CELF2: variants seen among roughly 807,000 people sequenced by gnomAD.
The protein encoded by CELF2 is CUG triplet repeat RNA-binding protein 2.
CELF2 carries 8 observed loss-of-function variants against 62.6 expected under a neutral mutation model. That is an observed-to-expected ratio of 0.13 (90% CI 0.07 to 0.23). The LOEUF (loss-of-function observed/expected upper bound fraction) is 0.23. CELF2 is among the 10% of genes least tolerant of loss of function. The pLI, the probability that CELF2 is intolerant of heterozygous loss-of-function variation, is 1.00. For missense variants in CELF2, 333 were observed against 671.0 expected (o/e 0.50, Z 5.56); for synonymous variants, 258 against 250.0 (o/e 1.03, Z -0.30).
the CELF2 span, among the ~76,000 whole-genome samples, chr10:10,725,544 G>A: frequency 6.6e-6 from 1 of 152,170 alleles, no homozygotes; most frequent in African/African-American, 2.4e-5. Context: ...CTAGTAACTT[G>A]AGTTTCTACC....
chr10:10,791,485 A>AATAAATT, the CELF2 span, among the ~76,000 whole-genome samples: 380 of 152,338 alleles, frequency 2.5e-3, 2 homozygotes, highest in African/African-American at 8.9e-3. Flanking sequence ...TTAAATTATG[A>AATAAATT]CTTTAGAAAT....
chr10:11,118,902 C>T (rs528913888), intron 1 of CELF2, among the ~76,000 whole-genome samples: 1 of 152,318 alleles, frequency 6.6e-6, no homozygotes, highest in East Asian at 1.9e-4. Flanking sequence ...TCGCAAGTCA[C>T]TTAACTCCTG....
At chr10:11,027,813 CA>C (rs1335842344) in intron 1 of CELF2, among the ~76,000 whole-genome samples, 1 of 152,168 alleles carries the variant, frequency 6.6e-6, no homozygotes, top group Non-Finnish European at 1.5e-5. Context: ...GTTGACTTGT[CA>C]AGATTCCTCG....
At chr10:10,689,590 C>T in the CELF2 span, among the ~76,000 whole-genome samples, 2 of 152,122 alleles carry the variant, frequency 1.3e-5, no homozygotes, top group Non-Finnish European at 2.9e-5. Context: ...AGGCTAAAGA[C>T]ATGAACAAGA....
At chr10:10,700,233 G>A in the CELF2 span, among the ~76,000 whole-genome samples, 1,352 of 152,288 alleles carry the variant, frequency 8.9e-3, 23 homozygotes, top group African/African-American at 0.031. Flanking sequence ...CCCAATACAG[G>A]AAGGCTGATC....
At position 11,280,475 on chromosome 10, in the gene CELF2, G is replaced by A. The variant is rs1014439521; in HGVS notation, c.841+5355G>A. Among the ~76,000 whole-genome samples, 2 of 152,210 alleles carry A rather than the reference G, an allele frequency of 1.3e-5. No homozygotes were observed. The highest frequency in any genetic ancestry group is 2.1e-4 in the South Asian group (1 of 4,834). ...CAGGCAGGTGCGATGTCCACGTTCC[G>A]GGTGATGGCGCTGTGGCTGTGGATC... On this transcript the variant is annotated intron_variant, in intron 8 of 12. Coordinates refer to ENST00000633077, the MANE Select transcript of CELF2 (RefSeq NM_001326342.2). This position sits in a 1 kb window ranked among gnomAD's most constrained non-coding sequence, Gnocchi z 7.6.
chr10:10,650,747 A>T, the CELF2 span, among the ~76,000 whole-genome samples: 2 of 152,248 alleles, frequency 1.3e-5, no homozygotes, highest in African/African-American at 4.8e-5. Context: ...AAAATGATGC[A>T]ACCACTTTGG....
the CELF2 span, among the ~76,000 whole-genome samples, chr10:10,626,027 A>G: frequency 5.3e-5 from 8 of 152,074 alleles, no homozygotes; most frequent in Non-Finnish European, 8.8e-5. Flanking sequence ...GCGGACTTGC[A>G]ATGTGAAGAA....
chr10:10,744,165 T>G, the CELF2 span, among the ~76,000 whole-genome samples: 3 of 152,204 alleles, frequency 2.0e-5, no homozygotes, highest in East Asian at 5.8e-4. Flanking sequence ...GTGCCAGTAT[T>G]GCCAGCCCAC....
chr10:11,118,175 A>G (rs149628771), intron 1 of CELF2, among the ~76,000 whole-genome samples: 3 of 152,238 alleles, frequency 2.0e-5, no homozygotes, highest in Non-Finnish European at 2.9e-5. Context: ...TAGTAGCGCC[A>G]ACTGAGGGCT....
chr10:10,651,998 T>C, the CELF2 span, among the ~76,000 whole-genome samples: 1 of 150,902 alleles, frequency 6.6e-6, no homozygotes, highest in Non-Finnish European at 1.5e-5. Flanking sequence ...AATGTATAAC[T>C]AGAATAACCA....
intron 3 of CELF2, among the ~76,000 whole-genome samples, chr10:11,232,019 T>G (rs543146955): frequency 6.6e-6 from 1 of 152,302 alleles, no homozygotes; most frequent in East Asian, 1.9e-4. Flanking sequence ...TACTTTAAGT[T>G]TTAGGGTACA....
At chr10:10,669,896 T>C in the CELF2 span, among the ~76,000 whole-genome samples, 1 of 130,564 alleles carries the variant, frequency 7.7e-6, no homozygotes, top group East Asian at 2.4e-4. Flanking sequence ...GTCTCTTATA[T>C]GCCTTTTTTT....
At position 11,318,951 on chromosome 10, in the gene CELF2, T is replaced by A. The variant is rs1377794999; in HGVS notation, c.1097-2238T>A. 1 of 471,170 alleles carries A rather than the reference T, an allele frequency of 2.1e-6. No homozygotes were observed. 29.2% of individuals were successfully genotyped at this position (471,170 alleles called of 1,614,324 possible). On this transcript the variant is annotated intron_variant, in intron 10 of 12. Coordinates refer to ENST00000633077, the MANE Select transcript of CELF2 (RefSeq NM_001326342.2). The surrounding 1 kb of genome is among the most constrained non-coding windows in gnomAD (Gnocchi z 5.4). ...CAGACAAGGCATCATGGTGGTGCGA[T>A]GCTGCCCACCCCTCCATGGGAACTT...
In CELF2 at chr10:11,316,506, T is replaced by G. The variant is rs570270375; in HGVS notation, c.1096+2248T>G. On this transcript the variant is annotated intron_variant, in intron 10 of 12. Transcript: ENST00000633077. The surrounding 1 kb of genome is among the most constrained non-coding windows in gnomAD (Gnocchi z 4.4). ...CATTCCTTCTCAACAGAGATGATTA[T>G]GCTACCAGTTCCACTGGATAATTCC... is the stretch of plus-strand genomic sequence containing the variant. Among the ~76,000 whole-genome samples, 1 of 152,232 alleles carries G rather than the reference T, an allele frequency of 6.6e-6. No homozygotes were observed. The highest frequency in any genetic ancestry group is 1.9e-4 in the East Asian group (1 of 5,192).
chr10:10,537,723 G>T, the CELF2 span, among the ~76,000 whole-genome samples: 2 of 152,034 alleles, frequency 1.3e-5, no homozygotes, highest in Admixed American at 6.5e-5. Flanking sequence ...CCATGAGTGG[G>T]TCTCACATGA....
chr10:10,595,809 T>C, the CELF2 span, among the ~76,000 whole-genome samples: 1 of 151,978 alleles, frequency 6.6e-6, no homozygotes, highest in African/African-American at 2.4e-5. Context: ...GGTAGGCAAA[T>C]TGCTTGAGCC....
the CELF2 span, among the ~76,000 whole-genome samples, chr10:10,675,993 G>A: frequency 6.6e-6 from 1 of 152,106 alleles, no homozygotes; most frequent in African/African-American, 2.4e-5. Flanking sequence ...CTGTGCTTTT[G>A]CCTTTTAGTA....
chr10:10,721,650 A>G, the CELF2 span, among the ~76,000 whole-genome samples: 1 of 152,216 alleles, frequency 6.6e-6, no homozygotes, highest in Non-Finnish European at 1.5e-5. Context: ...CCTCTGGACT[A>G]TAGACATATC....
Sources: allele counts gnomAD v4.1 joint callset (sites outside exome capture counted in the v4.1 genomes callset), GRCh38; gene constraint gnomAD v4.1.1; non-coding constraint Gnocchi (gnomAD v3.1); transcripts MANE v1.5; gene names NCBI Gene and HGNC (gene_info 2026-07-23, HGNC 2026-07-21).